ZNF777: variants seen among roughly 807,000 people sequenced by gnomAD.
ZNF777 encodes zinc finger protein 777.
Under a neutral mutation model 72.1 loss-of-function variants are expected in ZNF777, and 7 were observed. The ratio of observed to expected loss-of-function variants is 0.10; its 90% CI spans 0.06 to 0.18. The LOEUF is 0.18. Among genes scored for constraint, ZNF777 ranks in the 10% least tolerant of loss-of-function variants. ZNF777 has a pLI of 1.00. For synonymous variants in ZNF777, 545 were observed against 483.5 expected (o/e 1.13, Z -1.67); for missense variants, 828 against 1,128.6 (o/e 0.73, Z 3.82).
chr7:149,432,122 G>C lies in ZNF777; in HGVS notation c.2150C>G (p.Thr717Arg). Residue 717 changes from threonine to arginine, a missense_variant, in exon 6 of 6, where the codon ACA becomes AGA. This residue lies in a region of ZNF777 where 49 missense variants were observed against 135.8 expected (regional missense o/e 0.36). Coordinates refer to ENST00000247930, the MANE Select transcript of ZNF777 (RefSeq NM_015694.3). Reference protein sequence around the residue: ...SHLLRHQRTHTGERPFKCPEC... With the variant: ...SHLLRHQRTHRGERPFKCPEC... ...GGGGCACTTGAAGGGCCGCTCGCCT[G>C]TGTGAGTCCGCTGGTGGCGCAGCAG... is the stretch of plus-strand genomic sequence containing the variant. The C allele has an allele frequency of 6.2e-7, 1 of 1,604,390 alleles. No homozygotes were observed. The highest frequency in any genetic ancestry group is 8.5e-7 in the Non-Finnish European group (1 of 1,179,500).
At chr7:149,459,372 C>A (rs540096831) in intron 1 of ZNF777, among the ~76,000 whole-genome samples, 24 of 152,328 alleles carry the variant, frequency 1.6e-4, no homozygotes, top group African/African-American at 5.8e-4. Context: ...GCTTACTCCC[C>A]AGACACCATC....
At position 149,451,116 on chromosome 7, in the gene ZNF777, G is replaced by C. The variant is rs1799707520; in HGVS notation, c.974-4C>G. On this transcript the variant is annotated splice_region_variant and splice_polypyrimidine_tract_variant and intron_variant, in intron 3 of 5. Coordinates refer to ENST00000247930, the MANE Select transcript of ZNF777 (RefSeq NM_015694.3). ...TCTGGTTTGGAAATTGCATAGTCTA[G>C]GCAGAAGAAAGGGAAAAAAATATGC... 3 of 1,613,278 alleles carry C rather than the reference G, an allele frequency of 1.9e-6. No homozygotes were observed. Among genetic ancestry groups the C allele is most frequent in the Non-Finnish European group, 2.5e-6 (3 of 1,179,678 alleles).
intron 4 of ZNF777, among the ~76,000 whole-genome samples, chr7:149,444,433 G>A (rs1030202873): frequency 6.6e-6 from 1 of 152,148 alleles, no homozygotes; most frequent in Non-Finnish European, 1.5e-5. Flanking sequence ...CCACTCGACT[G>A]GCTGCCTCTA....
chr7:149,459,582 AC>A (rs1799904415), intron 1 of ZNF777: 1 of 959,952 alleles, frequency 1.0e-6, no homozygotes, highest in Admixed American at 6.2e-5. Context: ...CGCCAGAGCC[AC>A]CCCCTCCCCG....
Position 149,432,331 on chromosome 7 carries a change from G to A in ZNF777, c.1941C>T (p.His647=), listed in dbSNP as rs71532779. The A allele has an allele frequency of 0.022, 35,625 of 1,610,916 alleles. 516 individuals are homozygous for A. Among genetic ancestry groups the A allele is most frequent in the Non-Finnish European group, 0.027 (31,689 of 1,179,774 alleles). ...KCPECDSSFS[H]KSSLTKHQIT... The stretch of plus-strand genomic sequence containing the variant: ...TCTGGTGTTTGGTCAGGCTGGACTT[G>A]TGGCTGAAGCTGCTGTCGCACTCGG... Residue 647 remains histidine, a synonymous_variant, in exon 6 of 6, where the codon CAC becomes CAT. Transcript: ENST00000247930.
chr7:149,455,484 G>A lies in ZNF777; in HGVS notation c.539C>T (p.Thr180Met), dbSNP rs772502712. 1.9e-5 allele frequency: 31 copies of A among 1,613,976 alleles called. No homozygotes were observed. The highest frequency in any genetic ancestry group is 4.5e-5 in the East Asian group (2 of 44,886). ...CACAGCCAAGCGGGTGATCTCTGCC[G>A]TGGGGAGCGGCTGTTCCTTCTGGAC... is the stretch of plus-strand genomic sequence containing the variant. ...SAVQKEQPLP[T>M]AEITRLAVWA... The change falls in exon 2 of 6, where the codon ACG (threonine) becomes ATG (methionine). Residue 180 changes from threonine to methionine, a missense_variant. Physicochemically the swap from Thr to Met is moderately conservative, Grantham distance 81. Coordinates refer to ENST00000247930, the MANE Select transcript of ZNF777 (RefSeq NM_015694.3). This position sits in a 1 kb window ranked among gnomAD's most constrained non-coding sequence, Gnocchi z 4.2.
intron 3 of ZNF777, among the ~76,000 whole-genome samples, chr7:149,451,428 C>A (rs925834401): frequency 6.6e-5 from 10 of 152,184 alleles, no homozygotes; most frequent in Non-Finnish European, 1.5e-4. Flanking sequence ...CAGTGGCTCA[C>A]ACCTGTAATC....
chr7:149,452,353 T>C (rs1366728315), intron 3 of ZNF777, among the ~76,000 whole-genome samples: 2 of 141,258 alleles, frequency 1.4e-5, no homozygotes, highest in East Asian at 4.5e-4. Context: ...TGAAGTAGGC[T>C]GGGCGTGTGG....
Position 149,460,618 on chromosome 7 carries a change from C to T in ZNF777, c.-16+197G>A, listed in dbSNP as rs1250513686. Among the ~76,000 whole-genome samples, 3 of 152,090 alleles carry T rather than the reference C, an allele frequency of 2.0e-5. No homozygotes were observed. Among genetic ancestry groups the T allele is most frequent in the Non-Finnish European group, 4.4e-5 (3 of 67,986 alleles). On this transcript the variant is annotated intron_variant, in intron 1 of 5. Coordinates refer to ENST00000247930, the MANE Select transcript of ZNF777 (RefSeq NM_015694.3). The surrounding 1 kb of genome is among the most constrained non-coding windows in gnomAD (Gnocchi z 6.1). ...CCTGGGAGGCATGTCCCTCTCAGGC[C>T]GTTTAAAGAGAAACACTCCGAGGCT...
chr7:149,452,467 A>G (rs1799740933), intron 3 of ZNF777, among the ~76,000 whole-genome samples: 1 of 151,404 alleles, frequency 6.6e-6, no homozygotes, highest in African/African-American at 2.4e-5. Flanking sequence ...TGTCTCTACT[A>G]AAAATACAAA....
intron 1 of ZNF777, chr7:149,459,671 G>C (rs1799906127): frequency 1.0e-6 from 1 of 985,068 alleles, no homozygotes; most frequent in African/African-American, 1.7e-5. Flanking sequence ...CGTGACCTTG[G>C]GGCCGGCAGG....
chr7:149,446,605 GTTACA>G (rs1799607765), intron 4 of ZNF777, among the ~76,000 whole-genome samples: 1 of 151,786 alleles, frequency 6.6e-6, no homozygotes, highest in Non-Finnish European at 1.5e-5. Flanking sequence ...CCTCACTATA[GTTACA>G]TTTCCCACTT....
At chr7:149,459,828 C>T (rs1799911033) in intron 1 of ZNF777, 2 of 984,710 alleles carry the variant, frequency 2.0e-6, no homozygotes, top group Admixed American at 6.2e-5. Context: ...GGACGCAGCG[C>T]GGGCCCCGCA....
chr7:149,457,274 T>C (rs1041399918), intron 1 of ZNF777, among the ~76,000 whole-genome samples: 1 of 152,240 alleles, frequency 6.6e-6, no homozygotes, highest in Non-Finnish European at 1.5e-5. Flanking sequence ...AGATCATCAG[T>C]ATCTTTATTG....
chr7:149,455,021 C>T lies in ZNF777; in HGVS notation c.846+156G>A, dbSNP rs937547975. Among the ~76,000 whole-genome samples, 1 of 152,254 alleles carries T rather than the reference C, an allele frequency of 6.6e-6. No homozygotes were observed. The highest frequency in any genetic ancestry group is 1.5e-5 in the Non-Finnish European group (1 of 68,044). ...CTGTACTAGCCTATACTCTCATCAA[C>T]AGGAGAAATAATTTGATTTTGGCAT... On this transcript the variant is annotated intron_variant, in intron 2 of 5. Transcript: ENST00000247930. This position sits in a 1 kb window ranked among gnomAD's most constrained non-coding sequence, Gnocchi z 4.2.
In ZNF777 at chr7:149,455,140, T is replaced by C. The variant is rs745503455; in HGVS notation, c.846+37A>G. The C allele has an allele frequency of 1.0e-5, 16 of 1,578,950 alleles. No individual in the cohort carries two copies. Among genetic ancestry groups the C allele is most frequent in the Non-Finnish European group, 1.3e-5 (15 of 1,165,510 alleles). On this transcript the variant is annotated intron_variant, in intron 2 of 5. Coordinates refer to ENST00000247930, the MANE Select transcript of ZNF777 (RefSeq NM_015694.3). The surrounding 1 kb of genome is among the most constrained non-coding windows in gnomAD (Gnocchi z 4.2). The stretch of plus-strand genomic sequence containing the variant: ...TTCCTAAACCACACTCCAATTCAGA[T>C]CACTTCCTTGGGAAGCCCCAGTTGG...
At chr7:149,458,726 C>T (rs1799883147) in intron 1 of ZNF777, among the ~76,000 whole-genome samples, 1 of 152,206 alleles carries the variant, frequency 6.6e-6, no homozygotes, top group Admixed American at 6.5e-5. Flanking sequence ...CAAATAAAAG[C>T]CCTTTGCTAT....
intron 1 of ZNF777, among the ~76,000 whole-genome samples, chr7:149,458,541 C>CAA (rs1320926679): frequency 1.3e-5 from 2 of 151,944 alleles, no homozygotes; most frequent in African/African-American, 2.4e-5. Context: ...CAAAACAAAA[C>CAA]AAAACCCTCC....
chr7:149,431,896 G>GTGA lies in ZNF777; in HGVS notation c.2373_2375dup (p.His792dup). 6.2e-7 allele frequency: 1 copy of GTGA among 1,608,262 alleles called. No homozygotes were observed. The highest frequency in any genetic ancestry group is 8.5e-7 in the Non-Finnish European group (1 of 1,179,466). ...TGTGCGCGCGCTGGTGCTCCAGCAG[G>GTGA]TGATGCTTCTGCGTGAAGCGCTTGC... On this transcript the variant is annotated inframe_insertion, in exon 6 of 6. Coordinates refer to ENST00000247930, the MANE Select transcript of ZNF777 (RefSeq NM_015694.3).
Sources: allele counts gnomAD v4.1 joint callset (sites outside exome capture counted in the v4.1 genomes callset), GRCh38; gene constraint gnomAD v4.1.1; regional missense constraint gnomAD v4.1.1; non-coding constraint Gnocchi (gnomAD v3.1); transcripts MANE v1.5; gene names NCBI Gene and HGNC (gene_info 2026-07-23, HGNC 2026-07-21).